Variants in CNTNAP5 observed in about 807,000 individuals in gnomAD.
CNTNAP5 encodes the protein contactin-associated protein-like 5.
In CNTNAP5, 72 loss-of-function variants were observed where a neutral mutation model predicts 150.2. That is an observed-to-expected ratio of 0.48 (90% CI 0.40 to 0.58). The LOEUF (loss-of-function observed/expected upper bound fraction) is 0.58. Among genes scored for constraint, CNTNAP5 ranks in the 20% least tolerant of loss-of-function variants. The pLI is 0.00. For synonymous variants in CNTNAP5, 672 were observed against 619.8 expected (o/e 1.08, Z -1.25); for missense variants, 1,636 against 1,626.2 (o/e 1.01, Z -0.10).
At chr2:124,107,051 C>G (rs979729925) in intron 1 of CNTNAP5, among the ~76,000 whole-genome samples, 3 of 151,590 alleles carry the variant, frequency 2.0e-5, no homozygotes, top group African/African-American at 7.3e-5. Context: ...TGGGAGCTTT[C>G]AGGCATGTCT....
chr2:124,081,673 C>G (rs1573739841), intron 1 of CNTNAP5, among the ~76,000 whole-genome samples: 1 of 152,240 alleles, frequency 6.6e-6, no homozygotes, highest in East Asian at 1.9e-4. Flanking sequence ...AAGTGAGTGC[C>G]TTTATATGAA....
rs111299749 is a variant in CNTNAP5, at chr2:124,305,259, CAG to C, written c.381+62867_381+62868del. ...CACCACTGCACTCTAACCTTGATGACAGTCTAAAAAAAAAAAACAGACAAACA... is the reference window on the plus strand; with the variant it reads ...CACCACTGCACTCTAACCTTGATGACTCTAAAAAAAAAAAACAGACAAACA... On this transcript the variant is annotated intron_variant, in intron 3 of 23. Coordinates refer to ENST00000682447, the MANE Select transcript of CNTNAP5 (RefSeq NM_001367498.1). Among the ~76,000 whole-genome samples the C allele has an allele frequency of 2.4e-3, 359 of 148,830 alleles. 1 individual carries two copies. Among genetic ancestry groups the C allele is most frequent in the African/African-American group, 8.4e-3 (333 of 39,738 alleles).
rs1035769745 is a variant in CNTNAP5 at position 124,918,619 on chromosome 2, G to T, written c.*4331G>T. Among the ~76,000 whole-genome samples, 2 of 152,044 alleles carry T rather than the reference G, an allele frequency of 1.3e-5. No individual in the cohort carries two copies. The highest frequency in any genetic ancestry group is 4.8e-5 in the African/African-American group (2 of 41,430). Reference sequence around the variant, plus strand: ...GGTCTTGACAGACTGTTCACCAACTGCCCTAGCTTCCTTTAAGCTTCCCCA... The same window carrying T: ...GGTCTTGACAGACTGTTCACCAACTTCCCTAGCTTCCTTTAAGCTTCCCCA... On this transcript the variant is annotated 3_prime_UTR_variant, in exon 24 of 24. Coordinates refer to ENST00000682447, the MANE Select transcript of CNTNAP5 (RefSeq NM_001367498.1).
At chr2:124,522,848 C>T (rs1317518735) in intron 8 of CNTNAP5, among the ~76,000 whole-genome samples, 1 of 152,150 alleles carries the variant, frequency 6.6e-6, no homozygotes, top group Non-Finnish European at 1.5e-5. Flanking sequence ...GCTCACTTTC[C>T]ACGACTCCCC....
rs375421400 is a variant in CNTNAP5 at position 124,828,348 on chromosome 2, G to A, written c.3217+30028G>A. Among the ~76,000 whole-genome samples the A allele has an allele frequency of 5.9e-5, 9 of 152,134 alleles. No individual in the cohort carries two copies. In the East Asian group the frequency reaches 7.8e-4, roughly 13 times the overall value. ...TAAGAAAAATTAGCCTGGCTTGGTG[G>A]CAGGCACCTGTAGTCCCAGTTACTT... On this transcript the variant is annotated intron_variant, in intron 19 of 23. Coordinates refer to ENST00000682447, the MANE Select transcript of CNTNAP5 (RefSeq NM_001367498.1).
chr2:124,875,194 G>A lies in CNTNAP5; in HGVS notation c.3436+5432G>A, dbSNP rs1484312186. ...GTATCATTGAATGAAAACCCTGAAT[G>A]CTTTCACATAAAATCACTTTACAAG... On this transcript the variant is annotated intron_variant, in intron 21 of 23. Transcript: ENST00000682447. 2.0e-5 allele frequency among the ~76,000 whole-genome samples: 3 copies of A among 152,018 alleles called. No individual in the cohort carries two copies. The South Asian group carries it at 6.2e-4, about 31-fold the overall frequency.
intron 19 of CNTNAP5, among the ~76,000 whole-genome samples, chr2:124,833,672 T>C (rs942790380): frequency 1.3e-4 from 20 of 152,174 alleles, no homozygotes; most frequent in Admixed American, 2.0e-4. Flanking sequence ...CTTCAGTACA[T>C]GCAAAAATCA....
At position 124,535,067 on chromosome 2, in the gene CNTNAP5, T is replaced by C. The variant is rs143525024; in HGVS notation, c.1649+7611T>C. Among the ~76,000 whole-genome samples, 63 of 152,208 alleles carry C rather than the reference T, an allele frequency of 4.1e-4. 1 individual carries two copies. In the East Asian group the frequency reaches 9.5e-3, roughly 23 times the overall value. ...TAAGCAATCTATGCATATAGCAAAA[T>C]TACAATTGAACCTCACAATCTATAC... On this transcript the variant is annotated intron_variant, in intron 10 of 23. Transcript: ENST00000682447.
intron 19 of CNTNAP5, among the ~76,000 whole-genome samples, chr2:124,835,233 T>G (rs546219469): frequency 2.3e-4 from 34 of 148,278 alleles, no homozygotes; most frequent in African/African-American, 6.6e-4. Flanking sequence ...TGTTTTCATC[T>G]TTCTCATTGT....
At chr2:124,714,419 T>A (rs1482841) in intron 13 of CNTNAP5, among the ~76,000 whole-genome samples, 7 of 152,088 alleles carry the variant, frequency 4.6e-5, no homozygotes, top group African/African-American at 7.2e-5. Flanking sequence ...TAATTTATGA[T>A]GAGTTTTATT....
chr2:124,171,237 C>T (rs920073712), intron 1 of CNTNAP5, among the ~76,000 whole-genome samples: 3 of 152,134 alleles, frequency 2.0e-5, no homozygotes, highest in Non-Finnish European at 4.4e-5. Context: ...GTTCACTGGC[C>T]GGAAGCTGCT....
intron 4 of CNTNAP5, among the ~76,000 whole-genome samples, chr2:124,422,364 T>C (rs1233506500): frequency 6.6e-6 from 1 of 152,204 alleles, no homozygotes. Context: ...GTAGATACCA[T>C]TTATTTAGCC....
At chr2:124,732,761 CTTTAA>C (rs1276166426) in intron 13 of CNTNAP5, among the ~76,000 whole-genome samples, 2 of 152,072 alleles carry the variant, frequency 1.3e-5, no homozygotes, top group East Asian at 3.9e-4. Flanking sequence ...TTATTTCAAA[CTTTAA>C]TTTATAGTAA....
Position 124,306,518 on chromosome 2 carries a change from C to T in CNTNAP5, c.381+64125C>T, listed in dbSNP as rs551985672. Among the ~76,000 whole-genome samples, 36 of 152,248 alleles carry T rather than the reference C, an allele frequency of 2.4e-4. No individual in the cohort carries two copies. In the South Asian group the frequency reaches 7.5e-3, roughly 32 times the overall value. ...GGTTGCCCAGACATCAGCCCACACA[C>T]ACACTCCTGACAAAGAAGAAGTGTG... is the stretch of plus-strand genomic sequence containing the variant. On this transcript the variant is annotated intron_variant, in intron 3 of 23. Transcript: ENST00000682447.
intron 3 of CNTNAP5, among the ~76,000 whole-genome samples, chr2:124,410,357 C>G (rs1691717452): frequency 6.6e-6 from 1 of 151,754 alleles, no homozygotes; most frequent in African/African-American, 2.4e-5. Flanking sequence ...AAGAATTGAA[C>G]TCAGCTCTGC....
chr2:124,347,380 G>A (rs1689763350), intron 3 of CNTNAP5, among the ~76,000 whole-genome samples: 1 of 152,122 alleles, frequency 6.6e-6, no homozygotes, highest in Non-Finnish European at 1.5e-5. Context: ...GGGGGCACAA[G>A]CCCTCTTTGT....
intron 1 of CNTNAP5, among the ~76,000 whole-genome samples, chr2:124,130,090 C>T (rs1683810009): frequency 6.6e-6 from 1 of 152,174 alleles, no homozygotes; most frequent in Admixed American, 6.5e-5. Flanking sequence ...GAAAATCTCT[C>T]TCTGATTTCC....
intron 1 of CNTNAP5, among the ~76,000 whole-genome samples, chr2:124,163,122 G>A (rs73954573): frequency 0.01 from 1,560 of 152,182 alleles, 27 homozygotes; most frequent in African/African-American, 0.036. Flanking sequence ...CAACTACAGG[G>A]CATATTTAAT....
intron 21 of CNTNAP5, among the ~76,000 whole-genome samples, chr2:124,876,082 G>A (rs1454677819): frequency 6.6e-6 from 1 of 152,076 alleles, no homozygotes; most frequent in East Asian, 1.9e-4. Context: ...GATTTCAGTG[G>A]TAATGAAGGT....
Sources: gnomAD v4.1 joint callset for allele counts (sites outside exome capture counted in the v4.1 genomes callset) on GRCh38, gnomAD v4.1.1 for gene constraint, MANE v1.5 for transcripts, NCBI Gene and HGNC (gene_info 2026-07-23, HGNC 2026-07-21) for gene names.